The following PRKAR2A variants were observed in gnomAD, a reference collection of about 807,000 sequenced individuals.
PRKAR2A encodes the protein cAMP-dependent protein kinase type II-alpha regulatory subunit.
In PRKAR2A, 29 loss-of-function variants were observed where a neutral mutation model predicts 51.9. The observed-to-expected ratio is 0.56, with a 90% CI of 0.42 to 0.76. PRKAR2A has a LOEUF of 0.76. PRKAR2A is among the 30% of genes least tolerant of loss of function. The pLI is 0.00. For synonymous variants in PRKAR2A, 178 were observed against 186.2 expected, an observed-to-expected ratio of 0.96 and a Z score of 0.36; for missense variants, 445 against 512.1, an observed-to-expected ratio of 0.87 and a Z score of 1.26.
In PRKAR2A at chr3:48,790,598, T is replaced by G; in HGVS notation, c.381A>C (p.Arg127Ser). Residue 127 changes from arginine (R) to serine (S), a missense_variant, in exon 4 of 11, where the codon AGA becomes AGC. By Grantham distance (110) the Arg-to-Ser change is moderately radical (BLOSUM62 -1). Transcript: ENST00000265563. ...CTTTGCAAGCTTCCTGAAGTCTGCA[T>G]CTCTGTTCATCAGTTTTAGGATGAA... is the stretch of plus-strand genomic sequence containing the variant. ...RVIHPKTDEQ[R>S]CRLQEACKDI... is the part of the protein sequence containing the mutation. 1 of 1,526,846 alleles carries G rather than the reference T, an allele frequency of 6.5e-7. No individual in the cohort carries two copies. Among genetic ancestry groups the G allele is most frequent in the Non-Finnish European group, 8.8e-7 (1 of 1,136,888 alleles). 94.6% of individuals were successfully genotyped at this position (1,526,846 alleles called of 1,614,324 possible).
chr3:48,838,991 A>C (rs995068817), intron 1 of PRKAR2A, among the ~76,000 whole-genome samples: 5 of 150,088 alleles, frequency 3.3e-5, no homozygotes, highest in African/African-American at 9.8e-5. Flanking sequence ...CTCAAAAAAA[A>C]AAATTGTTAT....
At chr3:48,808,044 C>CTTTTTTTTTTTTTTTTTTTT (rs1490338619) in intron 1 of PRKAR2A, among the ~76,000 whole-genome samples, 1 of 135,084 alleles carries the variant, frequency 7.4e-6, no homozygotes, top group African/African-American at 2.7e-5. Context: ...TTTTTTCTTT[C>CTTTTTTTTTTTTTTTTTTTT]TTTCTTTTTT....
intron 8 of PRKAR2A, among the ~76,000 whole-genome samples, chr3:48,758,001 AG>A (rs1443155002): frequency 6.6e-6 from 1 of 152,100 alleles, no homozygotes; most frequent in Non-Finnish European, 1.5e-5. Context: ...GGTTGCAGTG[AG>A]CCGAGATCAC....
intron 4 of PRKAR2A, among the ~76,000 whole-genome samples, chr3:48,784,736 G>A (rs1244343723): frequency 6.6e-6 from 1 of 152,158 alleles, no homozygotes; most frequent in Non-Finnish European, 1.5e-5. Flanking sequence ...CCTCAATGTG[G>A]TTGATAGGTT....
At position 48,847,773 on chromosome 3, in the gene PRKAR2A, A is replaced by C; in HGVS notation, c.-177T>G. On this transcript the variant is annotated 5_prime_UTR_variant, in exon 1 of 11. Coordinates refer to ENST00000265563, the MANE Select transcript of PRKAR2A (RefSeq NM_004157.4). The surrounding 1 kb of genome is among the most constrained non-coding windows in gnomAD (Gnocchi z 4.4). The stretch of plus-strand genomic sequence containing the variant: ...CCGGGCCGCGCAACCCTACGCTACC[A>C]CGGCCGACCTGGCACCGCCGCCGCT... The C allele has an allele frequency of 1.7e-6, 1 of 601,088 alleles. No individual in the cohort carries two copies. The highest frequency in any genetic ancestry group is 2.5e-6 in the Non-Finnish European group (1 of 404,054). 37.2% of individuals were successfully genotyped at this position (601,088 alleles called of 1,614,324 possible).
intron 1 of PRKAR2A, among the ~76,000 whole-genome samples, chr3:48,833,963 G>A (rs2083236799): frequency 6.6e-6 from 1 of 150,974 alleles, no homozygotes; most frequent in African/African-American, 2.4e-5. Flanking sequence ...CTTGAACCCG[G>A]GAGACAGGTT....
intron 1 of PRKAR2A, among the ~76,000 whole-genome samples, chr3:48,831,979 T>A (rs950929402): frequency 6.6e-6 from 1 of 152,122 alleles, no homozygotes; most frequent in African/African-American, 2.4e-5. Flanking sequence ...ACGTATCTTG[T>A]GGTCATCACA....
chr3:48,839,926 A>G (rs1480783021), intron 1 of PRKAR2A, among the ~76,000 whole-genome samples: 1 of 152,192 alleles, frequency 6.6e-6, no homozygotes, highest in Non-Finnish European at 1.5e-5. Context: ...CAGTGTCATT[A>G]AGTACATACA....
At position 48,839,159 on chromosome 3, in the gene PRKAR2A, G is replaced by A. The variant is rs765912924; in HGVS notation, c.262+8176C>T. 3.9e-5 allele frequency among the ~76,000 whole-genome samples: 6 copies of A among 151,922 alleles called. No homozygotes were observed. In the South Asian group the frequency reaches 6.2e-4, roughly 16 times the overall value. On this transcript the variant is annotated intron_variant, in intron 1 of 10. Coordinates refer to ENST00000265563, the MANE Select transcript of PRKAR2A (RefSeq NM_004157.4). ...AAACATTAGCCGGGCGTGGTGACAC[G>A]CGCCTGTAATCCTGGCTACTCGGGA...
chr3:48,790,945 CA>C (rs35348573), intron 3 of PRKAR2A, among the ~76,000 whole-genome samples: 6 of 142,892 alleles, frequency 4.2e-5, no homozygotes, highest in South Asian at 2.2e-4. Context: ...AGCATCGACT[CA>C]AAAAAAAAAG....
chr3:48,790,058 C>A (rs948732532), intron 4 of PRKAR2A, among the ~76,000 whole-genome samples: 3 of 151,792 alleles, frequency 2.0e-5, no homozygotes, highest in Non-Finnish European at 2.9e-5. Context: ...TGCTTTGGGG[C>A]CATTATTAAG....
intron 1 of PRKAR2A, among the ~76,000 whole-genome samples, chr3:48,837,243 G>A (rs1322629190): frequency 6.6e-6 from 1 of 152,146 alleles, no homozygotes. Flanking sequence ...TTTCAAGGCT[G>A]TAATGACCTA....
chr3:48,756,420 T>C lies in PRKAR2A; in HGVS notation c.898A>G (p.Ile300Val). The stretch of plus-strand genomic sequence containing the variant: ...ATGCTCACTTCGCCAGACTCTATGA[T>C]GTAAAAGCTATCAGCCTTTTCACCC... ...TQGEKADSFYIIESGEVSILI... is the reference protein window; with the variant it reads ...TQGEKADSFYVIESGEVSILI... Residue 300 changes from isoleucine to valine, a missense_variant, in exon 9 of 11, where the codon ATC (isoleucine) becomes GTC (valine). By Grantham distance (29) the Ile-to-Val change is conservative (BLOSUM62 3). Coordinates refer to ENST00000265563, the MANE Select transcript of PRKAR2A (RefSeq NM_004157.4). 1 of 1,614,022 alleles carries C rather than the reference T, an allele frequency of 6.2e-7. No individual in the cohort carries two copies. Among genetic ancestry groups the C allele is most frequent in the Non-Finnish European group, 8.5e-7 (1 of 1,179,964 alleles).
chr3:48,847,540 C>A lies in PRKAR2A; in HGVS notation c.57G>T (p.Val19=). ...GLTELLQGYT[V]EVLRQQPPDL... is the part of the protein sequence containing the mutation. ...CAGGCGGCTGCTGTCGCAGCACCTCCACCGTGTAGCCCTGCAGCAGCTCCG... is the reference window on the plus strand; with the variant it reads ...CAGGCGGCTGCTGTCGCAGCACCTCAACCGTGTAGCCCTGCAGCAGCTCCG... Residue 19 remains valine, a synonymous_variant, in exon 1 of 11, where the codon GTG becomes GTT. Coordinates refer to ENST00000265563, the MANE Select transcript of PRKAR2A (RefSeq NM_004157.4). The surrounding 1 kb of genome is among the most constrained non-coding windows in gnomAD (Gnocchi z 4.4). 1 of 1,572,916 alleles carries A rather than the reference C, an allele frequency of 6.4e-7. No homozygotes were observed. Among genetic ancestry groups the A allele is most frequent in the East Asian group, 2.3e-5 (1 of 43,114 alleles).
At chr3:48,778,979 C>T (rs771410490) in intron 5 of PRKAR2A, among the ~76,000 whole-genome samples, 1 of 152,072 alleles carries the variant, frequency 6.6e-6, no homozygotes, top group East Asian at 1.9e-4. Context: ...GCGCCCACCA[C>T]CATGTCCAGC....
At chr3:48,806,573 C>T (rs1282876512) in intron 2 of PRKAR2A, among the ~76,000 whole-genome samples, 2 of 151,618 alleles carry the variant, frequency 1.3e-5, no homozygotes, top group Admixed American at 6.6e-5. Context: ...CATATATTAA[C>T]ATCTCTAACT....
At chr3:48,812,594 T>C (rs1004789168) in intron 1 of PRKAR2A, among the ~76,000 whole-genome samples, 1 of 151,524 alleles carries the variant, frequency 6.6e-6, no homozygotes, top group Non-Finnish European at 1.5e-5. Flanking sequence ...GCCATTCTCC[T>C]GCGTCAGCCT....
At chr3:48,829,809 ATATATG>A (rs1267940145) in intron 1 of PRKAR2A, among the ~76,000 whole-genome samples, 1 of 113,374 alleles carries the variant, frequency 8.8e-6, no homozygotes, top group Non-Finnish European at 2.0e-5. Context: ...ATATATACAT[ATATATG>A]TATGTATATA....
intron 1 of PRKAR2A, among the ~76,000 whole-genome samples, chr3:48,831,296 T>C (rs145671130): frequency 1.5e-3 from 232 of 152,216 alleles, no homozygotes; most frequent in Non-Finnish European, 2.6e-3. Context: ...AACATCATTA[T>C]GCAGTGCAAG....
Sources: gnomAD v4.1 joint callset for allele counts (sites outside exome capture counted in the v4.1 genomes callset) on GRCh38, gnomAD v4.1.1 for gene constraint, Gnocchi (gnomAD v3.1) non-coding constraint, MANE v1.5 for transcripts, NCBI Gene and HGNC (gene_info 2026-07-23, HGNC 2026-07-21) for gene names.